ABCA3: variants seen among roughly 807,000 people sequenced by gnomAD.
ABCA3 encodes the protein phospholipid-transporting ATPase ABCA3.
A neutral mutation model predicts 172.8 loss-of-function variants in ABCA3; 88 were observed. That is an observed-to-expected ratio of 0.51 (90% confidence interval 0.43 to 0.61). The LOEUF is 0.61. Among genes scored for constraint, ABCA3 ranks in the 20% least tolerant of loss-of-function variants. The pLI, the probability that ABCA3 is intolerant of heterozygous loss-of-function variation, is 0.00. For synonymous variants in ABCA3, 1,066 were observed against 983.8 expected, an observed-to-expected ratio of 1.08 and a Z score of -1.56; for missense variants, 2,164 against 2,301.0, an observed-to-expected ratio of 0.94 and a Z score of 1.22.
intron 10 of ABCA3, among the ~76,000 whole-genome samples, chr16:2,315,827 C>T (rs1037774405): frequency 6.8e-6 from 1 of 147,202 alleles, no homozygotes. Context: ...CCACACCTGG[C>T]TAATTTTTAA....
intron 19 of ABCA3, 33 bp downstream of exon 19, chr16:2,292,107 G>A: frequency 6.5e-7 from 1 of 1,550,050 alleles, no homozygotes; most frequent in East Asian, 2.3e-5. Context: ...ACGGAGCCCA[G>A]TCCTAGGTGG....
intron 7 of ABCA3, among the ~76,000 whole-genome samples, chr16:2,320,892 C>T (rs2093724985): frequency 6.6e-6 from 1 of 152,034 alleles, no homozygotes; most frequent in Non-Finnish European, 1.5e-5. Flanking sequence ...TGAGGACTAA[C>T]CGACTATTCT....
rs1308378273 is a variant in ABCA3, at chr16:2,298,367, C to A, written c.1896+19G>T. 1 of 1,614,002 alleles carries A rather than the reference C, an allele frequency of 6.2e-7. No homozygotes were observed. Among genetic ancestry groups the A allele is most frequent in the Non-Finnish European group, 8.5e-7 (1 of 1,179,988 alleles). ...ACATCAGTGGAAACACCCCTGCACACCCCTGGCCCCCAACTCACCTGGGCG... is the reference window on the plus strand; with the variant it reads ...ACATCAGTGGAAACACCCCTGCACAACCCTGGCCCCCAACTCACCTGGGCG... On this transcript the variant is annotated intron_variant, in intron 15 of 32. Coordinates refer to ENST00000301732, the MANE Select transcript of ABCA3 (RefSeq NM_001089.3).
intron 1 of ABCA3, among the ~76,000 whole-genome samples, chr16:2,336,052 T>C (rs910854449): frequency 2.6e-5 from 4 of 152,248 alleles, no homozygotes; most frequent in African/African-American, 9.6e-5. Context: ...CAACGTAATC[T>C]GTCCCTTCAA....
chr16:2,298,353 AACACCCCTGC>A, intron 15 of ABCA3, 23 bp downstream of exon 15: 1 of 1,613,640 alleles, frequency 6.2e-7, no homozygotes, highest in Non-Finnish European at 8.5e-7. Context: ...CATCAGTGGA[AACACCCCTGC>A]ACACCCCTGG....
intron 10 of ABCA3, among the ~76,000 whole-genome samples, chr16:2,315,456 CTA>C (rs1194412608): frequency 6.6e-6 from 1 of 152,116 alleles, no homozygotes; most frequent in Non-Finnish European, 1.5e-5. Context: ...AGCTAAAATA[CTA>C]TACAGGAGTG....
chr16:2,339,756 G>A (rs1449139738), intron 1 of ABCA3, among the ~76,000 whole-genome samples: 1 of 152,234 alleles, frequency 6.6e-6, no homozygotes, highest in Non-Finnish European at 1.5e-5. Context: ...AGAACAAGCG[G>A]CAATTACCCC....
chr16:2,307,531 G>A (rs1431431832), intron 11 of ABCA3, among the ~76,000 whole-genome samples: 2 of 151,768 alleles, frequency 1.3e-5, no homozygotes, highest in South Asian at 4.1e-4. Flanking sequence ...TCAAACCTGG[G>A]AAACAGAACG....
chr16:2,339,494 C>T (rs558443716), intron 1 of ABCA3, among the ~76,000 whole-genome samples: 32 of 152,350 alleles, frequency 2.1e-4, no homozygotes, highest in African/African-American at 6.5e-4. Flanking sequence ...TTACATTTCT[C>T]ATGAGGCAAA....
intron 3 of ABCA3, among the ~76,000 whole-genome samples, chr16:2,327,492 G>C (rs2093736150): frequency 6.6e-6 from 1 of 152,194 alleles, no homozygotes; most frequent in Non-Finnish European, 1.5e-5. Context: ...ATAGTGTCCT[G>C]GGTGATTTCT....
At chr16:2,339,061 T>A (rs2093756346) in intron 1 of ABCA3, 1 of 152,352 alleles carries the variant, frequency 6.6e-6, no homozygotes, top group Non-Finnish European at 1.5e-5. Context: ...CGGCTTCCAA[T>A]TCATCTTTCC....
rs1202224319 is a variant in ABCA3 at position 2,319,787 on chromosome 16, T to C, written c.667A>G (p.Met223Val). The C allele has an allele frequency of 5.0e-6, 8 of 1,613,848 alleles. No homozygotes were observed. Among genetic ancestry groups the C allele is most frequent in the Non-Finnish European group, 6.8e-6 (8 of 1,180,012 alleles). The change falls in exon 8 of 33, where the codon ATG (methionine) becomes GTG (valine). Residue 223 changes from methionine to valine, a missense_variant. Met to Val is a conservative substitution (Grantham distance 21). Transcript: ENST00000301732. ...AVQHAVDRAIMEYHADAATRQ... is the reference protein window; with the variant it reads ...AVQHAVDRAIVEYHADAATRQ... The stretch of plus-strand genomic sequence containing the variant: ...GTGGCGGCATCGGCATGGTACTCCA[T>C]GATGGCCCGGTCCACAGCATGCTGC...
In ABCA3 at chr16:2,277,436, A is replaced by G. The variant is rs1173847663; in HGVS notation, c.4983+161T>C. Among the ~76,000 whole-genome samples the G allele has an allele frequency of 2.0e-5, 3 of 152,158 alleles. No individual in the cohort carries two copies. The highest frequency in any genetic ancestry group is 4.4e-5 in the Non-Finnish European group (3 of 68,026). On this transcript the variant is annotated intron_variant, in intron 32 of 32. Coordinates refer to ENST00000301732, the MANE Select transcript of ABCA3 (RefSeq NM_001089.3). The surrounding 1 kb of genome is among the most constrained non-coding windows in gnomAD (Gnocchi z 5.3). ...CCTTTTACCACTGATAATTTTGGAT[A>G]TAAAACCCCCAAACCAGCACGTATC... is the stretch of plus-strand genomic sequence containing the variant.
intron 1 of ABCA3, among the ~76,000 whole-genome samples, chr16:2,336,047 T>C (rs184314681): frequency 1.1e-4 from 17 of 152,340 alleles, no homozygotes; most frequent in African/African-American, 4.1e-4. Context: ...AGACACAACG[T>C]AATCTGTCCC....
chr16:2,308,709 C>T, intron 10 of ABCA3, 86 bp from the exon 11 acceptor site: 1 of 1,524,818 alleles, frequency 6.6e-7, no homozygotes. Flanking sequence ...CAACCCCCTA[C>T]TCCTGGGGCC....
At position 2,297,621 on chromosome 16, in the gene ABCA3, G is replaced by A; in HGVS notation, c.2053-82C>T. The A allele has an allele frequency of 6.3e-7, 1 of 1,594,256 alleles. No homozygotes were observed. The highest frequency in any genetic ancestry group is 1.3e-5 in the African/African-American group (1 of 74,728). The stretch of plus-strand genomic sequence containing the variant: ...TGGCCTTGCGGTAGGCCCCATCGAG[G>A]GGTTCGCGGAGCCGGCTTGAGTCCT... On this transcript the variant is annotated intron_variant, in intron 16 of 32. Coordinates refer to ENST00000301732, the MANE Select transcript of ABCA3 (RefSeq NM_001089.3). The surrounding 1 kb of genome is among the most constrained non-coding windows in gnomAD (Gnocchi z 5.6).
chr16:2,327,448 T>C (rs1433068912), intron 3 of ABCA3, among the ~76,000 whole-genome samples: 1 of 152,232 alleles, frequency 6.6e-6, no homozygotes, highest in African/African-American at 2.4e-5. Context: ...GCTTTATTCT[T>C]AACCAACACT....
At chr16:2,336,581 C>T (rs1341801619) in intron 1 of ABCA3, among the ~76,000 whole-genome samples, 1 of 150,968 alleles carries the variant, frequency 6.6e-6, no homozygotes, top group Admixed American at 6.6e-5. Flanking sequence ...CAGGTGCCCG[C>T]CACCACGCCC....
chr16:2,315,703 C>A (rs11859337), intron 10 of ABCA3, among the ~76,000 whole-genome samples: 19,737 of 151,940 alleles, frequency 0.13, 1,765 homozygotes, highest in East Asian at 0.38. Flanking sequence ...CCCTCTCGTT[C>A]TCCAGGCTGG....
Sources: gnomAD v4.1 joint callset for allele counts (sites outside exome capture counted in the v4.1 genomes callset) on GRCh38, gnomAD v4.1.1 for gene constraint, Gnocchi (gnomAD v3.1) non-coding constraint, MANE v1.5 for transcripts, NCBI Gene and HGNC (gene_info 2026-07-23, HGNC 2026-07-21) for gene names.